CDH13: variants seen among roughly 807,000 people sequenced by gnomAD.
CDH13 encodes cadherin-13.
Under a neutral mutation model 63.8 loss-of-function variants are expected in CDH13, and 24 were observed. The ratio of observed to expected loss-of-function variants is 0.38; its 90% CI spans 0.27 to 0.53. CDH13 has a LOEUF of 0.53. CDH13 is among the 20% of genes least tolerant of loss of function. CDH13 has a pLI of 0.85. For missense variants in CDH13, 1,049 were observed against 903.1 expected, an observed-to-expected ratio of 1.16 and a Z score of -2.07; for synonymous variants, 503 against 355.3, an observed-to-expected ratio of 1.42 and a Z score of -4.67.
chr16:83,071,457 C>A (rs1229607696), intron 3 of CDH13, among the ~76,000 whole-genome samples: 1 of 152,286 alleles, frequency 6.6e-6, no homozygotes, highest in South Asian at 2.1e-4. Context: ...CTGAGAGCTC[C>A]TCCAAGCCTT....
chr16:83,294,153 A>T (rs1330903162), intron 5 of CDH13, among the ~76,000 whole-genome samples: 1 of 152,186 alleles, frequency 6.6e-6, no homozygotes, highest in Non-Finnish European at 1.5e-5. Flanking sequence ...GTACGACATG[A>T]TATTTTAAAG....
At chr16:83,056,956 T>C (rs1203927633) in intron 3 of CDH13, among the ~76,000 whole-genome samples, 1 of 152,054 alleles carries the variant, frequency 6.6e-6, no homozygotes, top group Non-Finnish European at 1.5e-5. Flanking sequence ...AAACCTTTTT[T>C]ACTCTTTTTT....
At chr16:82,757,903 C>A (rs935450138) in intron 1 of CDH13, among the ~76,000 whole-genome samples, 1 of 152,132 alleles carries the variant, frequency 6.6e-6, no homozygotes, top group Non-Finnish European at 1.5e-5. Flanking sequence ...CCCGCCTCGG[C>A]CTCCCAAAGT....
At chr16:83,696,343 G>A (rs1905402616) in intron 10 of CDH13, among the ~76,000 whole-genome samples, 1 of 152,174 alleles carries the variant, frequency 6.6e-6, no homozygotes, top group Non-Finnish European at 1.5e-5. Flanking sequence ...GTCTTCATGT[G>A]CAGCGGGCCC....
At chr16:83,409,570 C>G (rs1194056778) in intron 6 of CDH13, among the ~76,000 whole-genome samples, 1 of 152,244 alleles carries the variant, frequency 6.6e-6, no homozygotes, top group Admixed American at 6.5e-5. Context: ...GCTGGAGTTT[C>G]ACCATCAATA....
intron 5 of CDH13, among the ~76,000 whole-genome samples, chr16:83,254,321 C>T (rs1021787991): frequency 2.6e-5 from 4 of 152,206 alleles, no homozygotes; most frequent in African/African-American, 9.7e-5. Flanking sequence ...ATTCAGGGCT[C>T]ATGGTGCCAA....
intron 8 of CDH13, among the ~76,000 whole-genome samples, chr16:83,620,970 G>A (rs1490062316): frequency 6.6e-6 from 1 of 152,168 alleles, no homozygotes; most frequent in Admixed American, 6.5e-5. Context: ...CCCCCAGCCA[G>A]TGTGAATATC....
At chr16:83,051,142 G>T (rs1435118455) in intron 3 of CDH13, among the ~76,000 whole-genome samples, 4 of 152,114 alleles carry the variant, frequency 2.6e-5, no homozygotes, top group Non-Finnish European at 4.4e-5. Flanking sequence ...ATCATATCAT[G>T]CCCTCTTCAA....
chr16:83,388,046 A>G (rs2091709426), intron 6 of CDH13, among the ~76,000 whole-genome samples: 1 of 152,146 alleles, frequency 6.6e-6, no homozygotes. Context: ...CCTCCTAGAC[A>G]TGACACCTAC....
intron 2 of CDH13, among the ~76,000 whole-genome samples, chr16:83,030,434 G>T (rs1201057443): frequency 6.6e-6 from 1 of 151,932 alleles, no homozygotes; most frequent in Non-Finnish European, 1.5e-5. Context: ...CTGAGGTCGG[G>T]AGTTCGAGAC....
At chr16:83,205,927 C>T (rs1327449886) in intron 4 of CDH13, among the ~76,000 whole-genome samples, 1 of 152,080 alleles carries the variant, frequency 6.6e-6, no homozygotes, top group African/African-American at 2.4e-5. Context: ...TATTCAAAAT[C>T]ATGAGAGAGA....
At chr16:82,908,594 T>A (rs1054376481) in intron 2 of CDH13, among the ~76,000 whole-genome samples, 1 of 152,192 alleles carries the variant, frequency 6.6e-6, no homozygotes, top group Non-Finnish European at 1.5e-5. Flanking sequence ...TATTCCCTTT[T>A]CCTCCTTCCA....
intron 1 of CDH13, among the ~76,000 whole-genome samples, chr16:82,809,214 C>T (rs189759323): frequency 6.6e-6 from 1 of 152,092 alleles, no homozygotes; most frequent in Admixed American, 6.5e-5. Context: ...TTTCGTGTCA[C>T]CATATTTTAA....
intron 1 of CDH13, chr16:82,646,221 G>T (rs1225980734): frequency 6.6e-6 from 1 of 152,170 alleles, no homozygotes; most frequent in Non-Finnish European, 1.5e-5. Context: ...ACGGAGTCTC[G>T]CTCTTTCACC....
chr16:82,699,808 C>T, intron 1 of CDH13, among the ~76,000 whole-genome samples: 1 of 152,194 alleles, frequency 6.6e-6, no homozygotes, highest in East Asian at 1.9e-4. Context: ...TGTCATTTAG[C>T]TGTTGAGAGA....
chr16:83,661,915 G>C (rs1372893393), intron 8 of CDH13, among the ~76,000 whole-genome samples: 1 of 152,190 alleles, frequency 6.6e-6, no homozygotes, highest in Non-Finnish European at 1.5e-5. Flanking sequence ...TCATTCCCCA[G>C]CACCTGTAGA....
At chr16:82,758,954 C>G (rs913560336) in intron 1 of CDH13, among the ~76,000 whole-genome samples, 2 of 152,190 alleles carry the variant, frequency 1.3e-5, no homozygotes, top group Admixed American at 1.3e-4. Flanking sequence ...TTCTGCTAGT[C>G]CTTTGGTCCA....
At chr16:83,281,038 CAG>C (rs1567561184) in intron 5 of CDH13, among the ~76,000 whole-genome samples, 1 of 152,184 alleles carries the variant, frequency 6.6e-6, no homozygotes, top group South Asian at 2.1e-4. Context: ...ACCCCCTAAC[CAG>C]AGAGTCTGCC....
Position 83,032,065 on chromosome 16 carries a change from A to C in CDH13, c.213A>C (p.Pro71=), listed in dbSNP as rs749510568. The C allele has an allele frequency of 6.2e-7, 1 of 1,611,140 alleles. No homozygotes were observed. Among genetic ancestry groups the C allele is most frequent in the Non-Finnish European group, 8.5e-7 (1 of 1,178,818 alleles). The change falls in exon 3 of 14, where the codon CCA becomes CCC. Residue 71 remains proline, a synonymous_variant. Coordinates refer to ENST00000567109, the MANE Select transcript of CDH13 (RefSeq NM_001257.5). The stretch of plus-strand genomic sequence containing the variant: ...AGCTACGCTATGAGGTCTCGAGCCC[A>C]TACTTCAAGGTGAACAGCGATGGCG... ...NDKLRYEVSS[P]YFKVNSDGGL... is the part of the protein sequence containing the mutation.
Sources: allele counts gnomAD v4.1 joint callset (sites outside exome capture counted in the v4.1 genomes callset), GRCh38; gene constraint gnomAD v4.1.1; transcripts MANE v1.5; gene names NCBI Gene and HGNC (gene_info 2026-07-23, HGNC 2026-07-21).